The following SPON1 variants were observed in gnomAD, a reference collection of about 807,000 sequenced individuals.
The protein encoded by SPON1 is spondin 1.
A neutral mutation model predicts 111.7 loss-of-function variants in SPON1; 52 were observed. The observed-to-expected ratio is 0.47, with a 90% CI of 0.37 to 0.59. SPON1 has a LOEUF of 0.59. Ranked by LOEUF, SPON1 falls within the 20% of genes least tolerant of loss-of-function variation. The pLI is 0.00. For synonymous variants in SPON1, 410 were observed against 395.8 expected (o/e 1.04, Z -0.43); for missense variants, 957 against 1,068.5 (o/e 0.90, Z 1.46).
chr11:13,999,092 C>T (rs1467615551), intron 2 of SPON1, among the ~76,000 whole-genome samples: 5 of 152,004 alleles, frequency 3.3e-5, no homozygotes, highest in Non-Finnish European at 7.4e-5. Context: ...TTTTTTAAAA[C>T]AGGTAAAATC....
chr11:14,164,609 C>G (rs1394132069), intron 6 of SPON1, among the ~76,000 whole-genome samples: 1 of 152,102 alleles, frequency 6.6e-6, no homozygotes, highest in Non-Finnish European at 1.5e-5. Context: ...GGTTAACCAC[C>G]CAAGAAGTTC....
chr11:14,099,482 A>T (rs185256785), intron 5 of SPON1, among the ~76,000 whole-genome samples: 4 of 152,116 alleles, frequency 2.6e-5, no homozygotes, highest in African/African-American at 9.6e-5. Flanking sequence ...AAGGCTGTGA[A>T]TTTTCTTAGT....
rs1489215842 is a variant in SPON1 at position 14,229,373 on chromosome 11, G to T, written c.826-13959G>T. Among the ~76,000 whole-genome samples the T allele has an allele frequency of 2.6e-5, 4 of 152,192 alleles. No individual in the cohort carries two copies. The East Asian group carries it at 7.7e-4, about 29-fold the overall frequency. On this transcript the variant is annotated intron_variant, in intron 6 of 15. Transcript: ENST00000576479. ...AGGGGACAAGGGCAGGAGCATTCCAGACAGAAGGATCCAATGCAAAAGCAT... is the reference window on the plus strand; with the variant it reads ...AGGGGACAAGGGCAGGAGCATTCCATACAGAAGGATCCAATGCAAAAGCAT...
At chr11:14,057,000 T>C (rs1209748757) in intron 3 of SPON1, among the ~76,000 whole-genome samples, 5 of 152,140 alleles carry the variant, frequency 3.3e-5, no homozygotes, top group Non-Finnish European at 7.3e-5. Flanking sequence ...AGCACTGGAT[T>C]ACAACCCATT....
intron 6 of SPON1, among the ~76,000 whole-genome samples, chr11:14,192,666 T>C (rs1318850812): frequency 6.6e-6 from 1 of 151,806 alleles, no homozygotes; most frequent in Admixed American, 6.6e-5. Flanking sequence ...CTGACTGAAA[T>C]CAGGCAAAAA....
At chr11:14,245,429 A>G (rs1317130525) in intron 7 of SPON1, among the ~76,000 whole-genome samples, 1 of 152,196 alleles carries the variant, frequency 6.6e-6, no homozygotes, top group Admixed American at 6.5e-5. Flanking sequence ...TCCAGGCAGC[A>G]CCATATAACC....
rs782123983 is a variant in SPON1 at position 14,267,879 on chromosome 11, AAAG to A, written c.*2196_*2198del. The A allele has an allele frequency of 2.3e-4, 35 of 152,334 alleles. 1 individual carries two copies. The highest frequency in any genetic ancestry group is 8.8e-5 in the Non-Finnish European group (6 of 68,036). The allele number at this position is 152,334 out of a possible 1,614,324, so 9.4% of individuals were successfully genotyped here. A position where few individuals can be genotyped will look rare whatever the true frequency, so the allele number is the denominator to read the frequency against. The stretch of plus-strand genomic sequence containing the variant: ...AGACACCCAGTAAAAACTGCCATAT[AAAG>A]AAGTTGTAATTGTTTGTTGTGTATG... On this transcript the variant is annotated 3_prime_UTR_variant, in exon 16 of 16. Coordinates refer to ENST00000576479, the MANE Select transcript of SPON1 (RefSeq NM_006108.4).
At position 13,962,817 on chromosome 11, in the gene SPON1, G is replaced by A; in HGVS notation, c.-88G>A. On this transcript the variant is annotated 5_prime_UTR_variant, in exon 1 of 16. Coordinates refer to ENST00000576479, the MANE Select transcript of SPON1 (RefSeq NM_006108.4). ...AGCTCCCTCTCTCCGCCGCGCCTCC[G>A]CCAGGTCGCGCCTTCGTCGGGACCA... 1 of 1,254,346 alleles carries A rather than the reference G, an allele frequency of 8.0e-7. No individual in the cohort carries two copies. The highest frequency in any genetic ancestry group is 1.6e-5 in the African/African-American group (1 of 62,746). 77.7% of individuals were successfully genotyped at this position (1,254,346 alleles called of 1,614,324 possible). A position where few individuals can be genotyped will look rare whatever the true frequency, so the allele number is the denominator to read the frequency against.
chr11:14,252,244 G>A (rs1190781886), intron 7 of SPON1, among the ~76,000 whole-genome samples: 1 of 152,280 alleles, frequency 6.6e-6, no homozygotes, highest in Non-Finnish European at 1.5e-5. Flanking sequence ...CATTCATGGG[G>A]TCTGGCTATG....
chr11:14,102,429 CTTT>C (rs1391794870), intron 5 of SPON1, among the ~76,000 whole-genome samples: 1 of 152,150 alleles, frequency 6.6e-6, no homozygotes, highest in Admixed American at 6.6e-5. Context: ...TTTGCATTCT[CTTT>C]TTCATAATAT....
chr11:14,092,480 A>G (rs144174669), intron 5 of SPON1, among the ~76,000 whole-genome samples: 1 of 152,272 alleles, frequency 6.6e-6, no homozygotes, highest in East Asian at 1.9e-4. Context: ...GTTGGACACT[A>G]TAGGAAGGAT....
chr11:14,046,962 T>A (rs562115247), intron 3 of SPON1, among the ~76,000 whole-genome samples: 32 of 152,192 alleles, frequency 2.1e-4, no homozygotes, highest in Non-Finnish European at 3.7e-4. Flanking sequence ...ATTTCTTTTG[T>A]GAATGGGATC....
chr11:14,186,554 C>A (rs1848287778), intron 6 of SPON1, among the ~76,000 whole-genome samples: 1 of 152,144 alleles, frequency 6.6e-6, no homozygotes, highest in South Asian at 2.1e-4. Context: ...TACCTTTAAC[C>A]ATGCCCTACA....
intron 3 of SPON1, among the ~76,000 whole-genome samples, chr11:14,069,768 G>A (rs1554920702): frequency 6.6e-6 from 1 of 151,898 alleles, no homozygotes; most frequent in Non-Finnish European, 1.5e-5. Context: ...TGCAGTCATG[G>A]TAGATGACCT....
At chr11:14,146,150 CTTT>C (rs10674430) in intron 6 of SPON1, among the ~76,000 whole-genome samples, 4 of 130,926 alleles carry the variant, frequency 3.1e-5, no homozygotes, top group African/African-American at 2.9e-5. Context: ...AATTACTATA[CTTT>C]TTTTTTTTTT....
intron 2 of SPON1, among the ~76,000 whole-genome samples, chr11:14,023,144 C>A (rs782184471): frequency 6.6e-6 from 1 of 152,050 alleles, no homozygotes; most frequent in African/African-American, 2.4e-5. Flanking sequence ...TGGCAGGGAC[C>A]AGATTAGGTG....
chr11:14,046,866 A>G (rs1052438402), intron 3 of SPON1, among the ~76,000 whole-genome samples: 6 of 152,314 alleles, frequency 3.9e-5, no homozygotes, highest in African/African-American at 1.4e-4. Context: ...GGTCTTTCGT[A>G]TCCTTCTTAA....
intron 6 of SPON1, among the ~76,000 whole-genome samples, chr11:14,186,376 C>T (rs1848285365): frequency 6.6e-6 from 1 of 152,140 alleles, no homozygotes; most frequent in African/African-American, 2.4e-5. Flanking sequence ...TGTTTTTGGT[C>T]TTGTGGGCCA....
At position 14,135,388 on chromosome 11, in the gene SPON1, G is replaced by T; in HGVS notation, c.677-32G>T. 6.3e-7 allele frequency: 1 copy of T among 1,595,496 alleles called. No homozygotes were observed. Among genetic ancestry groups the T allele is most frequent in the Non-Finnish European group, 8.6e-7 (1 of 1,166,678 alleles). On this transcript the variant is annotated intron_variant, in intron 5 of 15. Coordinates refer to ENST00000576479, the MANE Select transcript of SPON1 (RefSeq NM_006108.4). This position sits in a 1 kb window ranked among gnomAD's most constrained non-coding sequence, Gnocchi z 4.4. The stretch of plus-strand genomic sequence containing the variant: ...GGACTCGTGTTTCAGCCACAGCCAT[G>T]CTGATAACTGCCTCCTGATTGGCTT...
Sources: gnomAD v4.1 joint callset for allele counts (sites outside exome capture counted in the v4.1 genomes callset) on GRCh38, gnomAD v4.1.1 for gene constraint, Gnocchi (gnomAD v3.1) non-coding constraint, MANE v1.5 for transcripts, NCBI Gene and HGNC (gene_info 2026-07-23, HGNC 2026-07-21) for gene names.